The following NECAB2 variants were observed in gnomAD, a reference collection of about 807,000 sequenced individuals.
NECAB2 encodes N-terminal EF-hand calcium-binding protein 2.
Under a neutral mutation model 51.9 loss-of-function variants are expected in NECAB2, and 68 were observed. That is an observed-to-expected ratio of 1.31 (90% CI 1.08 to 1.60). The LOEUF (loss-of-function observed/expected upper bound fraction) is 1.60, where lower values mean the gene tolerates loss of function less well. Ranked by LOEUF, NECAB2 falls within the 40% of genes most tolerant of loss-of-function variation. The pLI, the probability that NECAB2 is intolerant of heterozygous loss-of-function variation, is 0.00. For synonymous variants in NECAB2, 329 were observed against 203.5 expected (o/e 1.62, Z -5.25); for missense variants, 854 against 490.3 (o/e 1.74, Z -7.00).
At chr16:84,000,321 G>T (rs948875724) in intron 10 of NECAB2, among the ~76,000 whole-genome samples, 2 of 150,164 alleles carry the variant, frequency 1.3e-5, no homozygotes, top group Admixed American at 1.3e-4. Context: ...CCTGAGCCCA[G>T]GAGTTAAAGA....
At chr16:83,996,041 G>A (rs1458242769) in intron 8 of NECAB2, among the ~76,000 whole-genome samples, 2 of 152,214 alleles carry the variant, frequency 1.3e-5, no homozygotes, top group South Asian at 2.1e-4. Context: ...CCTCTAACTG[G>A]CCCGGGCGGT....
chr16:83,998,978 C>T (rs1597228897), intron 10 of NECAB2, among the ~76,000 whole-genome samples: 1 of 152,208 alleles, frequency 6.6e-6, no homozygotes, highest in African/African-American at 2.4e-5. Flanking sequence ...TGGTCCCCCG[C>T]CCCCCGTTTC....
intron 2 of NECAB2, 130 bp downstream of exon 2, chr16:83,972,305 G>C: frequency 1.5e-6 from 2 of 1,320,354 alleles, no homozygotes; most frequent in Non-Finnish European, 2.1e-6. Flanking sequence ...TCTGAAGTTA[G>C]AAGGCCAAAT....
chr16:83,978,618 C>G, intron 3 of NECAB2, 66 bp downstream of exon 3: 1 of 1,361,316 alleles, frequency 7.3e-7, no homozygotes, highest in Non-Finnish European at 1.0e-6. Flanking sequence ...ATCTTTTCAT[C>G]TAGTGTCCGT....
intron 10 of NECAB2, among the ~76,000 whole-genome samples, chr16:84,000,287 T>A (rs1002718836): frequency 2.0e-5 from 3 of 150,612 alleles, no homozygotes; most frequent in Non-Finnish European, 4.4e-5. Context: ...CCTGGCACTT[T>A]GGGAAGCCAA....
chr16:83,994,585 TG>T (rs775044917), intron 7 of NECAB2, 23 bp from the exon 8 acceptor site: 2 of 1,610,708 alleles, frequency 1.2e-6, no homozygotes, highest in Non-Finnish European at 1.7e-6. Context: ...CACTGAAGTC[TG>T]TGTGTCTCTT....
At position 84,002,361 on chromosome 16, in the gene NECAB2, C is replaced by T. The variant is rs1177731964; in HGVS notation, c.*15C>T. On this transcript the variant is annotated 3_prime_UTR_variant, in exon 13 of 13. Coordinates refer to ENST00000305202, the MANE Select transcript of NECAB2 (RefSeq NM_019065.3). ...GACGGGACTGACAGCCTCCCAGAGG[C>T]CCGTGGAGGAGCCCACCAGCCCCTT... is the stretch of plus-strand genomic sequence containing the variant. The T allele has an allele frequency of 4.3e-6, 7 of 1,613,520 alleles. No individual in the cohort carries two copies. In the East Asian group the frequency reaches 1.1e-4, roughly 26 times the overall value.
At chr16:83,986,643 G>A (rs1352484219) in intron 5 of NECAB2, among the ~76,000 whole-genome samples, 1 of 151,578 alleles carries the variant, frequency 6.6e-6, no homozygotes, top group Non-Finnish European at 1.5e-5. Flanking sequence ...CTTCCAAGTA[G>A]CTGGGAACAC....
chr16:83,990,676 A>G, intron 6 of NECAB2, 46 bp downstream of exon 6: 1 of 1,602,852 alleles, frequency 6.2e-7, no homozygotes, highest in East Asian at 2.2e-5. Flanking sequence ...TATGCCGTGC[A>G]CGCGCACGTG....
chr16:83,996,361 C>T (rs966013599), intron 8 of NECAB2, among the ~76,000 whole-genome samples: 5 of 152,192 alleles, frequency 3.3e-5, no homozygotes, highest in Non-Finnish European at 7.3e-5. Flanking sequence ...CTACAGAGCC[C>T]AGTGCAAAAT....
intron 12 of NECAB2, 95 bp downstream of exon 12, chr16:84,002,011 C>A: frequency 7.2e-7 from 1 of 1,382,694 alleles, no homozygotes; most frequent in Non-Finnish European, 1.0e-6. Flanking sequence ...GACTTGCCTG[C>A]TTGCTGTGGG....
In NECAB2 at chr16:84,002,499, G is replaced by GCCCCTGCCC. The variant is rs1321488392; in HGVS notation, c.*156_*164dup. On this transcript the variant is annotated 3_prime_UTR_variant, in exon 13 of 13. Coordinates refer to ENST00000305202, the MANE Select transcript of NECAB2 (RefSeq NM_019065.3). The stretch of plus-strand genomic sequence containing the variant: ...TCCCTGTTGTTAAGTGAAGGAGGCC[G>GCCCCTGCCC]CCCCTGCCCCCACCTGAGAAGGCAG... 1.0e-6 allele frequency: 1 copy of GCCCCTGCCC among 969,476 alleles called. No individual in the cohort carries two copies. Among genetic ancestry groups the GCCCCTGCCC allele is most frequent in the Non-Finnish European group, 1.6e-6 (1 of 636,148 alleles). The allele number at this position is 969,476 out of a possible 1,614,324, so 60.1% of individuals were successfully genotyped here.
At chr16:83,991,263 G>A (rs2084621112) in intron 6 of NECAB2, among the ~76,000 whole-genome samples, 1 of 151,900 alleles carries the variant, frequency 6.6e-6, no homozygotes, top group African/African-American at 2.4e-5. Flanking sequence ...GATGAAAGGT[G>A]TGAGCCACCA....
At chr16:83,988,050 G>A (rs2084577328) in intron 5 of NECAB2, among the ~76,000 whole-genome samples, 2 of 152,174 alleles carry the variant, frequency 1.3e-5, no homozygotes, top group Non-Finnish European at 2.9e-5. Flanking sequence ...ACCTTATGCT[G>A]TTCAATCACA....
chr16:84,001,471 C>G (rs868538779), intron 11 of NECAB2, among the ~76,000 whole-genome samples: 2 of 152,134 alleles, frequency 1.3e-5, no homozygotes, highest in South Asian at 4.1e-4. Flanking sequence ...ACTTCAGTGA[C>G]TCATAAAACG....
intron 8 of NECAB2, 60 bp from the exon 9 acceptor site, chr16:83,997,156 G>C: frequency 1.2e-6 from 2 of 1,608,436 alleles, no homozygotes; most frequent in South Asian, 1.1e-5. Context: ...CAGAGCTCCT[G>C]GCTCCCCGGG....
chr16:83,987,818 C>G (rs2084574669), intron 5 of NECAB2, among the ~76,000 whole-genome samples: 1 of 152,120 alleles, frequency 6.6e-6, no homozygotes, highest in African/African-American at 2.4e-5. Flanking sequence ...TGGGGAATTA[C>G]TGGGTTAAAG....
intron 5 of NECAB2, among the ~76,000 whole-genome samples, chr16:83,989,291 G>C (rs1013276107): frequency 3.3e-5 from 5 of 152,182 alleles, no homozygotes; most frequent in African/African-American, 7.2e-5. Flanking sequence ...TACTCTGTCA[G>C]GGTCTGTCCC....
intron 5 of NECAB2, among the ~76,000 whole-genome samples, chr16:83,990,274 G>A (rs2084605395): frequency 6.6e-6 from 1 of 152,208 alleles, no homozygotes; most frequent in South Asian, 2.1e-4. Flanking sequence ...GAGCTAGTAA[G>A]TGGTGAAGCC....
Sources: allele counts gnomAD v4.1 joint callset (sites outside exome capture counted in the v4.1 genomes callset), GRCh38; gene constraint gnomAD v4.1.1; transcripts MANE v1.5; gene names NCBI Gene and HGNC (gene_info 2026-07-23, HGNC 2026-07-21).